The following CREB5 variants were observed in gnomAD, a reference collection of about 807,000 sequenced individuals.
CREB5 encodes cyclic AMP-responsive element-binding protein 5.
A neutral mutation model predicts 57.1 loss-of-function variants in CREB5; 19 were observed. The observed-to-expected ratio is 0.33, with a 90% CI of 0.23 to 0.49. The LOEUF is 0.49. CREB5 is among the 20% of genes least tolerant of loss of function. CREB5 has a pLI of 0.99. For missense variants in CREB5, 579 were observed against 671.6 expected, an observed-to-expected ratio of 0.86 and a Z score of 1.52; for synonymous variants, 238 against 238.3, an observed-to-expected ratio of 1.00 and a Z score of 0.01.
chr7:28,348,159 C>T (rs779070056), intron 1 of CREB5, among the ~76,000 whole-genome samples: 62 of 152,030 alleles, frequency 4.1e-4, no homozygotes, highest in South Asian at 1.0e-3. Flanking sequence ...ACAGGATCAC[C>T]GGTTATCCAT....
rs1227283667 is a variant in CREB5 at position 28,507,667 on chromosome 7, T to C, written c.221T>C (p.Leu74Pro). ...RFLKNCEEVGLFSELDCSLEH... is the reference protein window; with the variant it reads ...RFLKNCEEVGPFSELDCSLEH... The stretch of plus-strand genomic sequence containing the variant: ...CTGAAGAACTGCGAGGAGGTGGGCC[T>C]CTTCAGCGAGCTGGACTGCTCCCTG... The change falls in exon 4 of 11, where the codon CTC becomes CCC. Residue 74 changes from leucine (L) to proline (P), a missense_variant. Transcript: ENST00000357727. 6.2e-7 allele frequency: 1 copy of C among 1,612,656 alleles called. No homozygotes were observed. The highest frequency in any genetic ancestry group is 8.5e-7 in the Non-Finnish European group (1 of 1,178,902).
chr7:28,479,668 G>T (rs1052927718), intron 1 of CREB5, among the ~76,000 whole-genome samples: 1 of 152,156 alleles, frequency 6.6e-6, no homozygotes, highest in Non-Finnish European at 1.5e-5. Context: ...GAACACAACT[G>T]CTGGCTACTT....
At chr7:28,325,554 C>G (rs1562657562) in intron 1 of CREB5, among the ~76,000 whole-genome samples, 1 of 152,216 alleles carries the variant, frequency 6.6e-6, no homozygotes, top group Non-Finnish European at 1.5e-5. Context: ...CTGGTTATGC[C>G]CTACCTGGTC....
chr7:28,309,546 C>T lies in CREB5; in HGVS notation c.-25+10105C>T, dbSNP rs180777385. Among the ~76,000 whole-genome samples the T allele has an allele frequency of 1.5e-3, 230 of 152,264 alleles. 2 individuals are homozygous for T. Among genetic ancestry groups the T allele is most frequent in the Middle Eastern group, 6.8e-3 (2 of 294 alleles). ...ATCCTGCTTAACCCTCACCAGCTTC[C>T]CAGCTGGTGTTGAGAGCCAGGCTGG... is the stretch of plus-strand genomic sequence containing the variant. On this transcript the variant is annotated intron_variant, in intron 1 of 9. Transcript: ENST00000396299.
At chr7:28,410,047 G>A (rs1050761235), upstream of CREB5, 1 of 439,382 alleles carries the variant, frequency 2.3e-6, no homozygotes, top group Non-Finnish European at 4.6e-6. Flanking sequence ...CGGCGAGGAC[G>A]CCGGGTCACC....
chr7:28,631,555 C>T (rs573654630), intron 5 of CREB5, among the ~76,000 whole-genome samples: 68 of 152,158 alleles, frequency 4.5e-4, no homozygotes, highest in African/African-American at 1.6e-3. Context: ...CTGCCTTTTT[C>T]GGAGGGGGCG....
At chr7:28,478,254 T>C (rs1791162852) in intron 1 of CREB5, among the ~76,000 whole-genome samples, 1 of 152,136 alleles carries the variant, frequency 6.6e-6, no homozygotes, top group Admixed American at 6.6e-5. Context: ...GAGATCAGTA[T>C]CCTCCTCATG....
intron 1 of CREB5, among the ~76,000 whole-genome samples, chr7:28,376,131 A>T (rs1786818016): frequency 6.6e-6 from 1 of 152,158 alleles, no homozygotes; most frequent in African/African-American, 2.4e-5. Flanking sequence ...GGCTGACTGT[A>T]TGCTGGTGCC....
At position 28,615,162 on chromosome 7, in the gene CREB5, C is replaced by T. The variant is rs1415257012; in HGVS notation, c.464+44625C>T. 3 of 152,150 alleles carry T rather than the reference C, an allele frequency of 2.0e-5. No homozygotes were observed. In the East Asian group the frequency reaches 5.8e-4, roughly 29 times the overall value. 9.4% of individuals were successfully genotyped at this position (152,150 alleles called of 1,614,324 possible). A position where few individuals can be genotyped will look rare whatever the true frequency, so the allele number is the denominator to read the frequency against. ...TTGGTGTGAGTCTTTAGGAGTTGGT[C>T]AGTGAATTCCTGATAAGAGACTCTG... On this transcript the variant is annotated intron_variant, in intron 5 of 10. Transcript: ENST00000357727.
At chr7:28,623,982 ATGATGGTGG>A in intron 5 of CREB5, among the ~76,000 whole-genome samples, 1 of 152,286 alleles carries the variant, frequency 6.6e-6, no homozygotes, top group African/African-American at 2.4e-5. Context: ...GATGGTGATG[ATGATGGTGG>A]TGATGACAAC....
At chr7:28,489,296 CT>C (rs70977046) in intron 2 of CREB5, among the ~76,000 whole-genome samples, 47 of 96,636 alleles carry the variant, frequency 4.9e-4, no homozygotes, top group East Asian at 2.6e-3. Flanking sequence ...GAGGACCCTT[CT>C]TTTTTTTTTT....
At chr7:28,541,529 T>C (rs1022251021) in intron 4 of CREB5, among the ~76,000 whole-genome samples, 2 of 152,002 alleles carry the variant, frequency 1.3e-5, no homozygotes, top group African/African-American at 2.4e-5. Context: ...TAGCTGGGCG[T>C]GGTGGCCGAT....
chr7:28,631,148 G>C (rs1399134471), intron 5 of CREB5, among the ~76,000 whole-genome samples: 1 of 152,120 alleles, frequency 6.6e-6, no homozygotes, highest in East Asian at 1.9e-4. Context: ...CAGGGCCATT[G>C]ATTCTTCTTC....
intron 1 of CREB5, among the ~76,000 whole-genome samples, chr7:28,452,587 A>G (rs1456231918): frequency 2.0e-5 from 3 of 152,338 alleles, no homozygotes; most frequent in African/African-American, 7.2e-5. Flanking sequence ...GGATCCAGGC[A>G]CTAGGAACAG....
chr7:28,540,873 G>A (rs1794179901), intron 4 of CREB5, among the ~76,000 whole-genome samples: 1 of 152,136 alleles, frequency 6.6e-6, no homozygotes, highest in Non-Finnish European at 1.5e-5. Flanking sequence ...ATGTGGGAGA[G>A]CTTCTTTTCA....
intron 1 of CREB5, among the ~76,000 whole-genome samples, chr7:28,311,050 T>C (rs1785266959): frequency 6.7e-6 from 1 of 148,564 alleles, no homozygotes; most frequent in Admixed American, 6.9e-5. Flanking sequence ...TCCCAGCACT[T>C]TGGGAGGCTG....
intron 1 of CREB5, among the ~76,000 whole-genome samples, chr7:28,451,216 C>G (rs965897038): frequency 6.6e-6 from 1 of 152,264 alleles, no homozygotes; most frequent in Non-Finnish European, 1.5e-5. Flanking sequence ...CCTGGAAGAA[C>G]TCCCCCTTAA....
intron 1 of CREB5, among the ~76,000 whole-genome samples, chr7:28,461,245 A>C (rs1224130557): frequency 6.8e-6 from 1 of 147,642 alleles, no homozygotes; most frequent in African/African-American, 2.5e-5. Flanking sequence ...AAAAAAAAAA[A>C]GATATAGTCC....
intron 4 of CREB5, among the ~76,000 whole-genome samples, chr7:28,548,227 T>G (rs1794490410): frequency 6.6e-6 from 1 of 152,170 alleles, no homozygotes; most frequent in Non-Finnish European, 1.5e-5. Flanking sequence ...GCCTTGAAAC[T>G]TTTAATACGT....
Sources: allele counts gnomAD v4.1 joint callset (sites outside exome capture counted in the v4.1 genomes callset), GRCh38; gene constraint gnomAD v4.1.1; transcripts MANE v1.5; gene names NCBI Gene and HGNC (gene_info 2026-07-23, HGNC 2026-07-21).